Variants in ANKS1B observed in about 807,000 individuals in gnomAD.
The protein encoded by ANKS1B is ankyrin repeat and sterile alpha motif domain containing 1B.
ANKS1B carries 36 observed loss-of-function variants against 148.3 expected under a neutral mutation model. The observed-to-expected ratio is 0.24, with a 90% CI of 0.19 to 0.32. ANKS1B has a LOEUF of 0.32. Among genes scored for constraint, ANKS1B ranks in the 10% least tolerant of loss-of-function variants. The pLI is 1.00. For synonymous variants in ANKS1B, 542 were observed against 560.8 expected (o/e 0.97, Z 0.47); for missense variants, 1,157 against 1,542.6 (o/e 0.75, Z 4.19).
intron 14 of ANKS1B, among the ~76,000 whole-genome samples, chr12:99,166,203 A>C (rs1015884787): frequency 6.6e-6 from 1 of 151,718 alleles, no homozygotes; most frequent in Non-Finnish European, 1.5e-5. Context: ...TGTTAAGTTT[A>C]GAAACAAAGC....
At chr12:99,757,774 G>T (rs1158243077) in intron 8 of ANKS1B, among the ~76,000 whole-genome samples, 1 of 152,012 alleles carries the variant, frequency 6.6e-6, no homozygotes, top group African/African-American at 2.4e-5. Context: ...AAAAGAATGA[G>T]ATCATGCCCT....
At chr12:99,476,815 A>G (rs921748454) in intron 10 of ANKS1B, among the ~76,000 whole-genome samples, 9 of 152,056 alleles carry the variant, frequency 5.9e-5, no homozygotes, top group African/African-American at 2.2e-4. Context: ...GGCTCTGCTG[A>G]CTCAGGGTCT....
At chr12:99,702,726 G>GTAGAGGCAGAGTTTCCCCATGTTGCC (rs2055063600) in intron 8 of ANKS1B, among the ~76,000 whole-genome samples, 1 of 116,566 alleles carries the variant, frequency 8.6e-6, no homozygotes, top group East Asian at 2.3e-4. Context: ...TTTTTTTTTT[G>GTAGAGGCAGAGTTTCCCCATGTTGCC]TAGAGGCAGA....
chr12:98,912,379 T>C (rs1040549334), intron 17 of ANKS1B, among the ~76,000 whole-genome samples: 1 of 152,304 alleles, frequency 6.6e-6, no homozygotes, highest in African/African-American at 2.4e-5. Flanking sequence ...AAGCTTCCTC[T>C]CTTTCCATGC....
intron 1 of ANKS1B, among the ~76,000 whole-genome samples, chr12:99,974,027 G>A (rs2095595062): frequency 1.3e-5 from 2 of 152,160 alleles, no homozygotes; most frequent in Admixed American, 6.5e-5. Context: ...AACATCTTTT[G>A]TGAAAGGAAC....
intron 8 of ANKS1B, among the ~76,000 whole-genome samples, chr12:99,714,363 AC>A (rs1261979349): frequency 1.3e-5 from 2 of 152,126 alleles, no homozygotes; most frequent in African/African-American, 4.8e-5. Context: ...ATGTAGTCAT[AC>A]CTCATTTTAT....
chr12:99,425,494 C>T (rs1332441360), intron 11 of ANKS1B, among the ~76,000 whole-genome samples: 1 of 151,954 alleles, frequency 6.6e-6, no homozygotes, highest in African/African-American at 2.4e-5. Context: ...TCTTGATTCA[C>T]ATTACCAAGA....
chr12:99,569,435 T>C (rs192607695), intron 9 of ANKS1B, among the ~76,000 whole-genome samples: 93 of 152,294 alleles, frequency 6.1e-4, no homozygotes, highest in African/African-American at 2.2e-3. Flanking sequence ...AGCTGTCTTA[T>C]AGAGTTGATA....
At chr12:99,228,388 T>G (rs924400139) in intron 14 of ANKS1B, among the ~76,000 whole-genome samples, 4 of 150,828 alleles carry the variant, frequency 2.7e-5, no homozygotes, top group Non-Finnish European at 5.9e-5. Context: ...TTCATGTTCT[T>G]AAAATACAAA....
chr12:99,659,505 T>C (rs1218603360), intron 8 of ANKS1B, among the ~76,000 whole-genome samples: 2 of 152,090 alleles, frequency 1.3e-5, no homozygotes, highest in Non-Finnish European at 2.9e-5. Context: ...TTGTTGCAAA[T>C]TGAAAAACAG....
chr12:99,295,686 G>A (rs2080771934), intron 12 of ANKS1B, among the ~76,000 whole-genome samples: 1 of 152,126 alleles, frequency 6.6e-6, no homozygotes. Flanking sequence ...GGGGTTTGTT[G>A]TACAGATTAC....
chr12:99,727,958 C>T (rs2058770212), intron 8 of ANKS1B, among the ~76,000 whole-genome samples: 4 of 152,108 alleles, frequency 2.6e-5, no homozygotes, highest in Admixed American at 2.6e-4. Context: ...TGAAACTGGA[C>T]CCCTTCCTTA....
chr12:99,579,302 G>C, intron 9 of ANKS1B, among the ~76,000 whole-genome samples: 1 of 152,102 alleles, frequency 6.6e-6, no homozygotes, highest in Admixed American at 6.5e-5. Context: ...AAGACTTCAC[G>C]ATGAAGTCTC....
At chr12:99,666,491 T>C (rs922222117) in intron 8 of ANKS1B, among the ~76,000 whole-genome samples, 1 of 152,216 alleles carries the variant, frequency 6.6e-6, no homozygotes, top group Admixed American at 6.5e-5. Context: ...GTCTTCAGTG[T>C]ACAGGTCTTG....
intron 17 of ANKS1B, among the ~76,000 whole-genome samples, chr12:98,917,805 G>A (rs1029759019): frequency 2.6e-5 from 4 of 152,280 alleles, no homozygotes; most frequent in Middle Eastern, 3.4e-3. Flanking sequence ...GGCTAAGAAC[G>A]AACATGTGTT....
At chr12:98,750,954 C>T (rs1297591344) in intron 26 of ANKS1B, among the ~76,000 whole-genome samples, 1 of 152,226 alleles carries the variant, frequency 6.6e-6, no homozygotes, top group Non-Finnish European at 1.5e-5. Context: ...TCACTGTGTA[C>T]CTCTGCAAAC....
chr12:99,690,300 CT>C (rs2098672518), intron 8 of ANKS1B, among the ~76,000 whole-genome samples: 1 of 152,132 alleles, frequency 6.6e-6, no homozygotes, highest in Non-Finnish European at 1.5e-5. Flanking sequence ...CATTCCACCC[CT>C]GGCCCCTCCC....
At chr12:98,758,755 TTTTTC>T (rs750085082) in intron 25 of ANKS1B, among the ~76,000 whole-genome samples, 122 of 146,270 alleles carry the variant, frequency 8.3e-4, no homozygotes, top group African/African-American at 2.3e-3. Context: ...GGATTTTTCT[TTTTTC>T]TTTTCTTTTC....
intron 10 of ANKS1B, among the ~76,000 whole-genome samples, chr12:99,469,552 C>G (rs2096202327): frequency 6.6e-6 from 1 of 152,078 alleles, no homozygotes; most frequent in Non-Finnish European, 1.5e-5. Context: ...TTACACATTA[C>G]AGTAGAATTC....
Sources: gnomAD v4.1 joint callset for allele counts (sites outside exome capture counted in the v4.1 genomes callset) on GRCh38, gnomAD v4.1.1 for gene constraint, MANE v1.5 for transcripts, NCBI Gene and HGNC (gene_info 2026-07-23, HGNC 2026-07-21) for gene names.